The following DOC2B variants were observed in gnomAD, a reference collection of about 807,000 sequenced individuals.
The protein encoded by DOC2B is double C2 domain beta, also known as double C2-like domain-containing protein beta.
In DOC2B, 21 loss-of-function variants were observed where a neutral mutation model predicts 28.9. The ratio of observed to expected loss-of-function variants is 0.73; its 90% CI spans 0.52 to 1.05. DOC2B has a LOEUF of 1.05. Ranked by LOEUF, DOC2B falls within the 50% of genes least tolerant of loss-of-function variation. The pLI is 0.00. For synonymous variants in DOC2B, 194 were observed against 178.1 expected (o/e 1.09, Z -0.71); for missense variants, 384 against 421.1 (o/e 0.91, Z 0.77).
chr17:156,427 T>C, intron 5 of DOC2B, 50 bp from the exon 6 acceptor site: 1 of 1,532,794 alleles, frequency 6.5e-7, no homozygotes. Context: ...ACCCCTCTCT[T>C]GGCCGTCCTT....
chr17:175,274 A>G (rs2040356609), intron 1 of DOC2B, among the ~76,000 whole-genome samples: 1 of 152,180 alleles, frequency 6.6e-6, no homozygotes, highest in Admixed American at 6.5e-5. Context: ...GTGAAGCCTG[A>G]GGCACGTTCT....
In DOC2B at chr17:144,110, C is replaced by T. The variant is rs1377018516; in HGVS notation, c.*3331G>A. The T allele has an allele frequency of 2.0e-5, 3 of 149,318 alleles. No individual in the cohort carries two copies. Among genetic ancestry groups the T allele is most frequent in the African/African-American group, 5.0e-5 (2 of 40,190 alleles). The allele number at this position is 149,318 out of a possible 1,614,324, so 9.2% of individuals were successfully genotyped here. A position where few individuals can be genotyped will look rare whatever the true frequency, so the allele number is the denominator to read the frequency against. On this transcript the variant is annotated 3_prime_UTR_variant, in exon 9 of 9. Transcript: ENST00000613549. ...GCGGGCGGGGCGGCGGGCGGGGCGG[C>T]GCTGGAGGCAGCGCCTGGTTACTGA...
chr17:164,283 C>A, intron 2 of DOC2B, 79 bp from the exon 3 acceptor site: 2 of 1,132,222 alleles, frequency 1.8e-6, no homozygotes, highest in East Asian at 5.2e-5. Flanking sequence ...CCCTTGTCCC[C>A]TGGGTCTCCT....
At chr17:170,862 G>C (rs1177894887) in intron 2 of DOC2B, among the ~76,000 whole-genome samples, 5 of 46,850 alleles carry the variant, frequency 1.1e-4, no homozygotes, top group African/African-American at 3.5e-4. Context: ...CCAGGGGCCG[G>C]GCCAGGCTGC....
chr17:176,815 G>A (rs1335576111), intron 1 of DOC2B, among the ~76,000 whole-genome samples: 1 of 152,134 alleles, frequency 6.6e-6, no homozygotes, highest in Non-Finnish European at 1.5e-5. Flanking sequence ...AATGAGGGTT[G>A]GTCACTAATG....
intron 1 of DOC2B, among the ~76,000 whole-genome samples, chr17:174,058 C>T (rs755319036): frequency 2.0e-4 from 31 of 152,168 alleles, no homozygotes; most frequent in Non-Finnish European, 4.3e-4. Flanking sequence ...CCAGGCATAA[C>T]AAAGTTTCTT....
At chr17:155,397 C>A (rs2040123273) in intron 6 of DOC2B, among the ~76,000 whole-genome samples, 1 of 152,156 alleles carries the variant, frequency 6.6e-6, no homozygotes, top group African/African-American at 2.4e-5. Flanking sequence ...CAAGATGTCC[C>A]TGAGGCCTTA....
intron 2 of DOC2B, among the ~76,000 whole-genome samples, chr17:165,005 G>C (rs1310801569): frequency 6.6e-6 from 1 of 152,148 alleles, no homozygotes; most frequent in Non-Finnish European, 1.5e-5. Context: ...ATCTCCAAGG[G>C]GAGGCTGGGG....
At chr17:159,243 C>A (rs181317372) in intron 5 of DOC2B, among the ~76,000 whole-genome samples, 213 of 152,256 alleles carry the variant, frequency 1.4e-3, no homozygotes, top group Non-Finnish European at 2.5e-3. Flanking sequence ...GTAATCCCAG[C>A]ACTTTGGGAG....
Position 157,366 on chromosome 17 carries a change from C to A in DOC2B, c.766-989G>T, listed in dbSNP as rs144571861. 2.8e-3 allele frequency among the ~76,000 whole-genome samples: 433 copies of A among 152,312 alleles called. 3 individuals carry two copies. The highest frequency in any genetic ancestry group is 6.8e-3 in the Middle Eastern group (2 of 294). The stretch of plus-strand genomic sequence containing the variant: ...GTGGGTTGGCCGTCCCCTCTGCGCG[C>A]CCACTGCCTCGGGTTTATCCTGTCA... On this transcript the variant is annotated intron_variant, in intron 5 of 8. Coordinates refer to ENST00000613549, the MANE Select transcript of DOC2B (RefSeq NM_003585.5).
chr17:169,745 A>G (rs2040290386), intron 2 of DOC2B, among the ~76,000 whole-genome samples: 1 of 151,988 alleles, frequency 6.6e-6, no homozygotes, highest in Non-Finnish European at 1.5e-5. Context: ...CTGGCCCTCC[A>G]GAGGCCAGCC....
chr17:181,263 AG>A lies in DOC2B; in HGVS notation c.216del (p.Ser73ProfsTer81). The A allele has an allele frequency of 8.3e-7, 1 of 1,206,804 alleles. No homozygotes were observed. Among genetic ancestry groups the A allele is most frequent in the Non-Finnish European group, 1.0e-6 (1 of 972,836 alleles). The allele number at this position is 1,206,804 out of a possible 1,614,324, so 74.8% of individuals were successfully genotyped here. A position where few individuals can be genotyped will look rare whatever the true frequency, so the allele number is the denominator to read the frequency against. ...TCGTCGTCCTCGCGGGCGCCGTCGG[AG>A]GGGCTGCGGCGGCCGGCACCGGCCA... ...PAVAGAGRRS[P>X]SDGAREDDED... is the part of the protein sequence containing the mutation. On this transcript the variant is annotated frameshift_variant, in exon 1 of 9. Coordinates refer to ENST00000613549, the MANE Select transcript of DOC2B (RefSeq NM_003585.5). LOFTEE classifies it high-confidence loss of function. The surrounding 1 kb of genome is among the most constrained non-coding windows in gnomAD (Gnocchi z 7.0).
At position 181,339 on chromosome 17, in the gene DOC2B, G is replaced by A; in HGVS notation, c.141C>T (p.Asp47=). 3.5e-6 allele frequency: 4 copies of A among 1,133,052 alleles called. No individual in the cohort carries two copies. The highest frequency in any genetic ancestry group is 4.3e-6 in the Non-Finnish European group (4 of 925,270). The allele number at this position is 1,133,052 out of a possible 1,614,324, so 70.2% of individuals were successfully genotyped here. Residue 47 remains aspartate, a synonymous_variant, in exon 1 of 9, where the codon GAC becomes GAT. Coordinates refer to ENST00000613549, the MANE Select transcript of DOC2B (RefSeq NM_003585.5). The surrounding 1 kb of genome is among the most constrained non-coding windows in gnomAD (Gnocchi z 7.0). ...FPRFPRGLPP[D]AGPRAAAPPD... The stretch of plus-strand genomic sequence containing the variant: ...GGGGTGCAGCGGCTCGGGGCCCGGC[G>A]TCCGGGGGCAGGCCCCGCGGGAAGC...
chr17:163,990 G>C, intron 3 of DOC2B, 140 bp downstream of exon 3: 1 of 648,422 alleles, frequency 1.5e-6, no homozygotes, highest in Non-Finnish European at 2.7e-6. Flanking sequence ...AGCTTGCTTG[G>C]ACTCTGAGGG....
rs1388630237 is a variant in DOC2B, at chr17:147,401, G to A, written c.*40C>T. On this transcript the variant is annotated 3_prime_UTR_variant, in exon 9 of 9. Coordinates refer to ENST00000613549, the MANE Select transcript of DOC2B (RefSeq NM_003585.5). ...GGGGAAGCCCGGGGCCGGCCGTGCT[G>A]GGCGCAGGTGGCGGCAGGGGTAGCA... The A allele has an allele frequency of 7.5e-6, 3 of 398,726 alleles. No individual in the cohort carries two copies. Among genetic ancestry groups the A allele is most frequent in the Non-Finnish European group, 1.3e-5 (3 of 226,220 alleles). 24.7% of individuals were successfully genotyped at this position (398,726 alleles called of 1,614,324 possible).
intron 1 of DOC2B, among the ~76,000 whole-genome samples, chr17:176,135 G>T (rs563576391): frequency 8.5e-5 from 13 of 152,192 alleles, no homozygotes; most frequent in Admixed American, 4.6e-4. Flanking sequence ...CCCAGGCACA[G>T]AATCTAGGCC....
At chr17:155,360 C>T (rs539799408) in intron 6 of DOC2B, among the ~76,000 whole-genome samples, 24 of 152,266 alleles carry the variant, frequency 1.6e-4, no homozygotes, top group Admixed American at 1.0e-3. Context: ...AGCTGTGCCA[C>T]GAGGAGTACT....
At chr17:162,840 C>A (rs2040220920) in intron 3 of DOC2B, among the ~76,000 whole-genome samples, 1 of 152,204 alleles carries the variant, frequency 6.6e-6, no homozygotes, top group Admixed American at 6.5e-5. Flanking sequence ...TGTGGACCGT[C>A]CCCTCTGCCT....
intron 1 of DOC2B, among the ~76,000 whole-genome samples, chr17:176,515 C>G (rs1199735046): frequency 6.6e-6 from 1 of 152,218 alleles, no homozygotes; most frequent in Non-Finnish European, 1.5e-5. Flanking sequence ...ACGGGCCACT[C>G]TGCCCTGGTC....
Sources: gnomAD v4.1 joint callset for allele counts (sites outside exome capture counted in the v4.1 genomes callset) on GRCh38, gnomAD v4.1.1 for gene constraint, Gnocchi (gnomAD v3.1) non-coding constraint, MANE v1.5 for transcripts, NCBI Gene and HGNC (gene_info 2026-07-23, HGNC 2026-07-21) for gene names.